Variants in UNC5D observed in about 807,000 individuals in gnomAD.
UNC5D encodes netrin receptor UNC5D.
Under a neutral mutation model 105.4 loss-of-function variants are expected in UNC5D, and 39 were observed. The ratio of observed to expected loss-of-function variants is 0.37; its 90% confidence interval spans 0.29 to 0.48. UNC5D has a LOEUF of 0.48. Ranked by LOEUF, UNC5D falls within the 20% of genes least tolerant of loss-of-function variation. The probability of loss-of-function intolerance (pLI) is 0.98; values close to 1 mark genes in which losing one functional copy is unlikely to be tolerated. For missense variants in UNC5D, 991 were observed against 1,202.4 expected (o/e 0.82, Z 2.60); for synonymous variants, 452 against 450.4 (o/e 1.00, Z -0.04).
intron 1 of UNC5D, among the ~76,000 whole-genome samples, chr8:35,412,171 A>G (rs1158422604): frequency 6.6e-6 from 1 of 152,040 alleles, no homozygotes; most frequent in East Asian, 1.9e-4. Flanking sequence ...TACATGTTGA[A>G]TGCAGGATTG....
Position 35,631,211 on chromosome 8 carries a change from GACT to G in UNC5D, c.570+35555_570+35557del, listed in dbSNP as rs1183703011. ...GCCTTGCAGTCCCAGCTACTGGGGA[GACT>G]GAGGCAGGAGAATGGCTTCAACCCA... is the stretch of plus-strand genomic sequence containing the variant. On this transcript the variant is annotated intron_variant, in intron 4 of 16. Coordinates refer to ENST00000404895, the MANE Select transcript of UNC5D (RefSeq NM_080872.4). Among the ~76,000 whole-genome samples the G allele has an allele frequency of 9.2e-5, 14 of 151,922 alleles. 1 individual carries two copies. Among genetic ancestry groups the G allele is most frequent in the African/African-American group, 3.4e-4 (14 of 41,360 alleles).
intron 1 of UNC5D, among the ~76,000 whole-genome samples, chr8:35,410,770 G>T (rs1264067652): frequency 1.3e-5 from 2 of 152,004 alleles, no homozygotes; most frequent in African/African-American, 4.8e-5. Flanking sequence ...CTTGCCCAAG[G>T]TTGCACACGA....
intron 1 of UNC5D, among the ~76,000 whole-genome samples, chr8:35,288,374 G>C (rs1327296375): frequency 2.0e-5 from 3 of 151,072 alleles, no homozygotes; most frequent in Admixed American, 1.3e-4. Context: ...TCATAAATGA[G>C]GGACAAAAAA....
intron 1 of UNC5D, among the ~76,000 whole-genome samples, chr8:35,246,880 T>G (rs1420634618): frequency 6.6e-6 from 1 of 152,136 alleles, no homozygotes; most frequent in Non-Finnish European, 1.5e-5. Context: ...GAACACTGAT[T>G]TGATCACTGA....
intron 1 of UNC5D, among the ~76,000 whole-genome samples, chr8:35,314,576 A>AG (rs397763435): frequency 6.6e-6 from 1 of 151,294 alleles, no homozygotes; most frequent in East Asian, 2.0e-4. Flanking sequence ...TATATGTAAA[A>AG]TCATCTAATT....
chr8:35,476,062 TAAC>T (rs745963036), intron 1 of UNC5D, among the ~76,000 whole-genome samples: 3 of 152,204 alleles, frequency 2.0e-5, no homozygotes, highest in African/African-American at 7.2e-5. Flanking sequence ...AGATCTCAAT[TAAC>T]AACATCTCTC....
At chr8:35,245,727 T>C (rs1365898653) in intron 1 of UNC5D, among the ~76,000 whole-genome samples, 2 of 152,162 alleles carry the variant, frequency 1.3e-5, no homozygotes, top group African/African-American at 4.8e-5. Context: ...CCTACCACAT[T>C]CTGCAGCGGA....
At chr8:35,748,776 C>A in intron 12 of UNC5D, 81 bp downstream of exon 12, 1 of 1,448,584 alleles carries the variant, frequency 6.9e-7, no homozygotes, top group Non-Finnish European at 9.3e-7. Flanking sequence ...CATCTAACAC[C>A]ACAAATCAGC....
At chr8:35,539,147 G>T (rs890329739) in intron 1 of UNC5D, among the ~76,000 whole-genome samples, 1 of 152,006 alleles carries the variant, frequency 6.6e-6, no homozygotes, top group African/African-American at 2.4e-5. Context: ...ATATATGTGT[G>T]TTCTATGTAT....
intron 1 of UNC5D, among the ~76,000 whole-genome samples, chr8:35,447,753 T>C (rs537036752): frequency 2.0e-5 from 3 of 152,076 alleles, no homozygotes; most frequent in Non-Finnish European, 4.4e-5. Flanking sequence ...AAAAAATTAC[T>C]TTAGTGCATT....
chr8:35,514,889 T>G (rs1261896851), intron 1 of UNC5D, among the ~76,000 whole-genome samples: 1 of 152,170 alleles, frequency 6.6e-6, no homozygotes, highest in Non-Finnish European at 1.5e-5. Flanking sequence ...GGCAGAACAA[T>G]TTTCCACCTG....
chr8:35,253,914 T>C (rs1803894826), intron 1 of UNC5D, among the ~76,000 whole-genome samples: 1 of 152,206 alleles, frequency 6.6e-6, no homozygotes, highest in Admixed American at 6.5e-5. Flanking sequence ...ATGGGAATTT[T>C]TTAGTCTGGC....
intron 8 of UNC5D, among the ~76,000 whole-genome samples, chr8:35,708,735 C>T (rs1013391976): frequency 6.6e-6 from 1 of 152,168 alleles, no homozygotes; most frequent in African/African-American, 2.4e-5. Context: ...ACTATACAGT[C>T]TCTCTTCATC....
At chr8:35,600,396 T>A (rs1399567291) in intron 4 of UNC5D, among the ~76,000 whole-genome samples, 1 of 152,248 alleles carries the variant, frequency 6.6e-6, no homozygotes, top group African/African-American at 2.4e-5. Context: ...CCACAGTGGT[T>A]GAATTAGTTT....
intron 13 of UNC5D, among the ~76,000 whole-genome samples, chr8:35,758,802 T>C (rs1830628136): frequency 6.6e-6 from 1 of 152,232 alleles, no homozygotes; most frequent in Non-Finnish European, 1.5e-5. Context: ...CAAACATTAC[T>C]ACAAATAAAC....
At chr8:35,489,192 G>A (rs1585962010) in intron 1 of UNC5D, among the ~76,000 whole-genome samples, 1 of 152,016 alleles carries the variant, frequency 6.6e-6, no homozygotes, top group African/African-American at 2.4e-5. Context: ...ATTTTTGGTA[G>A]AGATGGGGTT....
intron 1 of UNC5D, among the ~76,000 whole-genome samples, chr8:35,504,578 A>G (rs1168599993): frequency 2.0e-5 from 3 of 152,196 alleles, no homozygotes; most frequent in Non-Finnish European, 2.9e-5. Flanking sequence ...ACCAGGCTTA[A>G]TCACCTTATT....
intron 1 of UNC5D, among the ~76,000 whole-genome samples, chr8:35,446,710 G>T (rs1389933693): frequency 6.6e-6 from 1 of 152,064 alleles, no homozygotes; most frequent in Non-Finnish European, 1.5e-5. Context: ...TGGAGCATCA[G>T]TTAATTGCCC....
intron 1 of UNC5D, among the ~76,000 whole-genome samples, chr8:35,472,212 C>T (rs1447861158): frequency 1.1e-4 from 17 of 152,248 alleles, no homozygotes. Flanking sequence ...GGAAAACTGT[C>T]ATGGTGAAGC....
Sources: allele counts gnomAD v4.1 joint callset (sites outside exome capture counted in the v4.1 genomes callset), GRCh38; gene constraint gnomAD v4.1.1; transcripts MANE v1.5; gene names NCBI Gene and HGNC (gene_info 2026-07-23, HGNC 2026-07-21).